ANK2: variants seen among roughly 807,000 people sequenced by gnomAD.
ANK2 encodes ankyrin 2.
Under a neutral mutation model 360.5 loss-of-function variants are expected in ANK2, and 83 were observed. The observed-to-expected ratio is 0.23, with a 90% CI of 0.19 to 0.28. The LOEUF is 0.28. ANK2 is among the 10% of genes least tolerant of loss of function. The probability of loss-of-function intolerance (pLI) is 1.00; values close to 1 mark genes in which losing one functional copy is unlikely to be tolerated. For missense variants in ANK2, 4,201 were observed against 4,795.7 expected (o/e 0.88, Z 3.66); for synonymous variants, 1,740 against 1,759.5 (o/e 0.99, Z 0.28).
At position 112,883,842 on chromosome 4, in the gene ANK2, T is replaced by C. The variant is rs1006855464; in HGVS notation, c.-39-20613T>C. Among the ~76,000 whole-genome samples, 4 of 149,286 alleles carry C rather than the reference T, an allele frequency of 2.7e-5. No individual in the cohort carries two copies. The Admixed American group carries it at 2.7e-4, about 10-fold the overall frequency. ...AAAATGTTTACATTATAAATATATA[T>C]AAAAATATCATTCATTCATATATAT... On this transcript the variant is annotated intron_variant, in intron 1 of 30. Coordinates refer to the ANK2 transcript ENST00000503271.
chr4:112,990,383 C>CCA (rs2046349267), intron 2 of ANK2, among the ~76,000 whole-genome samples: 1 of 152,084 alleles, frequency 6.6e-6, no homozygotes, highest in Non-Finnish European at 1.5e-5. Flanking sequence ...TATAAAAGTC[C>CCA]CACCTCTTAG....
chr4:112,732,556 T>C, the ANK2 span, among the ~76,000 whole-genome samples: 1 of 152,186 alleles, frequency 6.6e-6, no homozygotes, highest in Non-Finnish European at 1.5e-5. Context: ...GGATTTTTAA[T>C]TGTAGCAGTC....
intron 2 of ANK2, among the ~76,000 whole-genome samples, chr4:113,177,812 T>A (rs924303152): frequency 3.3e-5 from 5 of 152,204 alleles, no homozygotes; most frequent in Non-Finnish European, 7.3e-5. Context: ...GCCCACAGGT[T>A]CAAATTCAAG....
intron 41 of ANK2, among the ~76,000 whole-genome samples, 194 bp downstream of exon 41, chr4:113,365,376 C>T (rs562328056): frequency 4.6e-4 from 70 of 152,134 alleles, no homozygotes; most frequent in African/African-American, 1.6e-3. Context: ...CTCCCACCTC[C>T]GCTTCATGCT....
intron 4 of ANK2, among the ~76,000 whole-genome samples, chr4:113,211,268 G>A (rs2099017838): frequency 6.6e-6 from 1 of 152,138 alleles, no homozygotes; most frequent in African/African-American, 2.4e-5. Flanking sequence ...CATCATTCTT[G>A]TTCATAACTC....
chr4:112,890,555 G>GTTT (rs1383564163), intron 1 of ANK2, among the ~76,000 whole-genome samples: 1 of 104,598 alleles, frequency 9.6e-6, no homozygotes, highest in Non-Finnish European at 1.9e-5. Context: ...ACATTTCTGT[G>GTTT]GTTTTTTTTT....
rs772785351 is a variant in ANK2, at chr4:113,353,052, G to C, written c.4434G>C (p.Glu1478Asp). The C allele has an allele frequency of 1.9e-6, 3 of 1,613,396 alleles. No individual in the cohort carries two copies. The highest frequency in any genetic ancestry group is 2.5e-6 in the Non-Finnish European group (3 of 1,179,612). The change falls in exon 38 of 46, where the codon GAG (glutamate) becomes GAC (aspartate). Residue 1478 changes from glutamate to aspartate, a missense_variant. Glu to Asp is a conservative substitution (Grantham distance 45). Coordinates refer to ENST00000357077, the MANE Select transcript of ANK2 (RefSeq NM_001148.6). Reference protein sequence around the residue: ...EIDMTSEKNDETESTETSVLK... With the variant: ...EIDMTSEKNDDTESTETSVLK... ...TTTTCATTCACATCAAAGATGATGA[G>C]ACAGAATCTACAGAAACATCTGTCC...
chr4:113,212,608 C>T (rs1356381742), intron 4 of ANK2, among the ~76,000 whole-genome samples: 1 of 152,170 alleles, frequency 6.6e-6, no homozygotes, highest in East Asian at 1.9e-4. Flanking sequence ...CAAATTTCAG[C>T]TCTTCTGCTT....
At chr4:113,112,073 CA>C (rs1198500446) in intron 1 of ANK2, among the ~76,000 whole-genome samples, 13 of 151,946 alleles carry the variant, frequency 8.6e-5, no homozygotes, top group African/African-American at 3.1e-4. Context: ...AAGATGGGGA[CA>C]ATAAGAAAGT....
Position 112,974,883 on chromosome 4 carries a change from C to A in ANK2, c.21+70369C>A, listed in dbSNP as rs547315565. On this transcript the variant is annotated intron_variant, in intron 2 of 30. Coordinates refer to the ANK2 transcript ENST00000503271. ...AAAGTGAACACAGGCGTGGCCTATG[C>A]CTGCTTGAAAGTAGGAAAGAAGGAT... 5.3e-4 allele frequency among the ~76,000 whole-genome samples: 80 copies of A among 150,396 alleles called. 1 individual carries two copies. The highest frequency in any genetic ancestry group is 1.1e-3 in the Admixed American group (16 of 15,136).
chr4:113,030,874 T>C (rs535748834), intron 2 of ANK2, among the ~76,000 whole-genome samples: 5 of 152,030 alleles, frequency 3.3e-5, no homozygotes, highest in African/African-American at 1.2e-4. Context: ...CTTTTAAGAA[T>C]AGGAAAAGAT....
At chr4:113,207,223 G>A (rs2098962520) in intron 4 of ANK2, among the ~76,000 whole-genome samples, 1 of 152,106 alleles carries the variant, frequency 6.6e-6, no homozygotes, top group Non-Finnish European at 1.5e-5. Flanking sequence ...TTGCCTTTAT[G>A]CTCATTTATC....
intron 2 of ANK2, among the ~76,000 whole-genome samples, chr4:112,950,643 CAAAAAGAAAAAAAAA>C (rs1021878858): frequency 1.8e-4 from 11 of 62,594 alleles, no homozygotes; most frequent in African/African-American, 8.5e-4. Context: ...GACTCTGTCT[CAAAAAGAAAAAAAAA>C]AAAAAGAAAA....
At chr4:112,774,198 G>C in the ANK2 span, among the ~76,000 whole-genome samples, 1 of 151,912 alleles carries the variant, frequency 6.6e-6, no homozygotes, top group Non-Finnish European at 1.5e-5. Context: ...ACGCCCTTAA[G>C]GAAGGATCTT....
At chr4:112,951,081 CAAAAAAAAAAA>C (rs1184265938) in intron 2 of ANK2, among the ~76,000 whole-genome samples, 1 of 55,946 alleles carries the variant, frequency 1.8e-5, no homozygotes. Context: ...GCCTCCGTCT[CAAAAAAAAAAA>C]AAAAAAAAAA....
At chr4:112,977,866 A>T (rs886281376) in intron 2 of ANK2, among the ~76,000 whole-genome samples, 1 of 152,150 alleles carries the variant, frequency 6.6e-6, no homozygotes, top group Non-Finnish European at 1.5e-5. Context: ...TTTGCTGAGG[A>T]TGATGGTTTC....
Position 113,356,814 on chromosome 4 carries a change from A to G in ANK2, c.8196A>G (p.Lys2732=), listed in dbSNP as rs2095811602. 2 of 1,613,988 alleles carry G rather than the reference A, an allele frequency of 1.2e-6. No individual in the cohort carries two copies. Among genetic ancestry groups the G allele is most frequent in the Non-Finnish European group, 1.7e-6 (2 of 1,179,984 alleles). Residue 2732 remains lysine (K), a synonymous_variant, in exon 38 of 46, where the codon AAA becomes AAG. Transcript: ENST00000357077. ...MNEDTQEEPG[K]SEEEKDSESH... is the part of the protein sequence containing the mutation. The stretch of plus-strand genomic sequence containing the variant: ...AAGATACTCAGGAAGAGCCAGGCAA[A>G]TCAGAAGAAGAAAAAGATTCTGAAT...
chr4:113,099,713 C>G (rs115357274), intron 1 of ANK2, among the ~76,000 whole-genome samples: 1 of 151,992 alleles, frequency 6.6e-6, no homozygotes, highest in Non-Finnish European at 1.5e-5. Flanking sequence ...CTGACACTAC[C>G]CAACTTAAGA....
rs755548985 is a variant in ANK2 at position 113,354,590 on chromosome 4, G to A, written c.5972G>A (p.Arg1991Gln). The change falls in exon 38 of 46, where the codon CGG becomes CAG. Residue 1991 changes from arginine (R) to glutamine (Q), a missense_variant. Transcript: ENST00000357077. Reference sequence around the variant, plus strand: ...AGGATTGAGGAAACCATGTCTGTTCGGGAGCTGATGAAGGCTTTCCAGTCA... The same window carrying A: ...AGGATTGAGGAAACCATGTCTGTTCAGGAGCTGATGAAGGCTTTCCAGTCA... Reference protein sequence around the residue: ...TERIEETMSVRELMKAFQSGQ... With the variant: ...TERIEETMSVQELMKAFQSGQ... The A allele has an allele frequency of 8.7e-6, 14 of 1,613,854 alleles. No homozygotes were observed. The East Asian group carries it at 1.1e-4, about 13-fold the overall frequency.
Sources: allele counts gnomAD v4.1 joint callset (sites outside exome capture counted in the v4.1 genomes callset), GRCh38; gene constraint gnomAD v4.1.1; transcripts MANE v1.5; gene names NCBI Gene and HGNC (gene_info 2026-07-23, HGNC 2026-07-21).